GRAMD4: variants seen among roughly 807,000 people sequenced by gnomAD.
GRAMD4 encodes GRAM domain-containing protein 4.
Under a neutral mutation model 83.9 loss-of-function variants are expected in GRAMD4, and 25 were observed. That is an observed-to-expected ratio of 0.30 (90% CI 0.22 to 0.42). The LOEUF is 0.42. GRAMD4 is among the 10% of genes least tolerant of loss of function. GRAMD4 has a pLI of 1.00. For synonymous variants in GRAMD4, 336 were observed against 320.9 expected, an observed-to-expected ratio of 1.05 and a Z score of -0.50; for missense variants, 593 against 788.7, an observed-to-expected ratio of 0.75 and a Z score of 2.97.
downstream of GRAMD4, among the ~76,000 whole-genome samples, chr22:46,682,700 C>A (rs577772328): frequency 5.9e-5 from 9 of 152,230 alleles, no homozygotes; most frequent in Admixed American, 5.2e-4. Flanking sequence ...CAGTGTAGCA[C>A]GCATATCCTG....
chr22:46,676,715 G>A, intron 18 of GRAMD4, 47 bp downstream of exon 18: 1 of 1,510,754 alleles, frequency 6.6e-7, no homozygotes, highest in South Asian at 1.2e-5. Flanking sequence ...TGGGCCCAGG[G>A]GCCTGACTCT....
At chr22:46,634,166 G>A (rs1183355279) in intron 2 of GRAMD4, among the ~76,000 whole-genome samples, 4 of 152,230 alleles carry the variant, frequency 2.6e-5, no homozygotes, top group African/African-American at 9.7e-5. Flanking sequence ...GGGGGAGTGT[G>A]GCAGGTTCCC....
rs2082626922 is a variant in GRAMD4, at chr22:46,678,209, G to A, written c.*958G>A. 2.0e-6 allele frequency: 2 copies of A among 985,228 alleles called. No homozygotes were observed. Among genetic ancestry groups the A allele is most frequent in the African/African-American group, 1.7e-5 (1 of 57,250 alleles). The allele number at this position is 985,228 out of a possible 1,614,324, so 61.0% of individuals were successfully genotyped here. Reference sequence around the variant, plus strand: ...GTTGGGGGAGGAAGTGGGGAGGAGTGTTCCGGGACCATGGTGGCCCAGGCT... The same window carrying A: ...GTTGGGGGAGGAAGTGGGGAGGAGTATTCCGGGACCATGGTGGCCCAGGCT... On this transcript the variant is annotated 3_prime_UTR_variant, in exon 19 of 19. Transcript: ENST00000406902.
intron 3 of GRAMD4, among the ~76,000 whole-genome samples, chr22:46,656,705 G>A (rs1471413619): frequency 1.3e-5 from 2 of 152,236 alleles, no homozygotes; most frequent in East Asian, 3.8e-4. Context: ...CGCTGGTGGG[G>A]TCTGGCTGCT....
At chr22:46,667,477 C>T (rs181262315) in intron 10 of GRAMD4, among the ~76,000 whole-genome samples, 31 of 152,346 alleles carry the variant, frequency 2.0e-4, no homozygotes, top group African/African-American at 7.2e-4. Flanking sequence ...CTTGAGTAGA[C>T]GACAGACCAC....
At chr22:46,592,329 G>T (rs2081217717) in intron 1 of GRAMD4, among the ~76,000 whole-genome samples, 1 of 152,158 alleles carries the variant, frequency 6.6e-6, no homozygotes, top group Non-Finnish European at 1.5e-5. Context: ...AAACAGCAGA[G>T]CTGGGTGCAG....
chr22:46,606,818 C>T (rs2081370156), intron 1 of GRAMD4, among the ~76,000 whole-genome samples: 1 of 152,268 alleles, frequency 6.6e-6, no homozygotes, highest in African/African-American at 2.4e-5. Flanking sequence ...GCGAATGGTG[C>T]TGCTGTGGAC....
At chr22:46,660,277 G>A (rs2082308112) in intron 4 of GRAMD4, among the ~76,000 whole-genome samples, 1 of 152,198 alleles carries the variant, frequency 6.6e-6, no homozygotes, top group Non-Finnish European at 1.5e-5. Context: ...GAAGGTCCTG[G>A]GAGCATTAAG....
intron 1 of GRAMD4, among the ~76,000 whole-genome samples, chr22:46,624,422 G>A (rs568719648): frequency 6.5e-5 from 9 of 137,936 alleles, no homozygotes; most frequent in Admixed American, 2.4e-4. Context: ...TCCGCCTCCC[G>A]GGTTCAAGCA....
intron 14 of GRAMD4, among the ~76,000 whole-genome samples, 159 bp from the exon 15 acceptor site, chr22:46,673,511 C>T (rs1299887553): frequency 6.6e-6 from 1 of 152,240 alleles, no homozygotes; most frequent in Non-Finnish European, 1.5e-5. Flanking sequence ...TGAGGTGGCC[C>T]TGCCTGGAAG....
intron 1 of GRAMD4, among the ~76,000 whole-genome samples, chr22:46,600,347 A>G (rs898805444): frequency 1.1e-4 from 16 of 152,200 alleles, no homozygotes; most frequent in African/African-American, 3.4e-4. Context: ...GCTTGGGGCC[A>G]GGGGCCTGCG....
At chr22:46,626,270 C>A (rs182403986) in intron 1 of GRAMD4, among the ~76,000 whole-genome samples, 1 of 152,228 alleles carries the variant, frequency 6.6e-6, no homozygotes, top group Non-Finnish European at 1.5e-5. Flanking sequence ...TGTATGTGGC[C>A]GTCGTGTTGA....
intron 3 of GRAMD4, among the ~76,000 whole-genome samples, chr22:46,643,132 C>CGTGGATCCATCT (rs2082003849): frequency 5.2e-5 from 7 of 134,620 alleles, no homozygotes; most frequent in Non-Finnish European, 8.1e-5. Flanking sequence ...TGCATCCATC[C>CGTGGATCCATCT]ATGCATCCTT....
intron 3 of GRAMD4, among the ~76,000 whole-genome samples, chr22:46,638,204 C>T (rs1374486253): frequency 1.3e-5 from 2 of 152,242 alleles, no homozygotes; most frequent in Admixed American, 6.5e-5. Context: ...CAAGGTTGCT[C>T]CACAGGGGCT....
At chr22:46,604,346 A>G (rs555304162) in intron 1 of GRAMD4, among the ~76,000 whole-genome samples, 2 of 152,314 alleles carry the variant, frequency 1.3e-5, no homozygotes, top group East Asian at 3.9e-4. Context: ...TAGATTTTCA[A>G]AGGGAGGATC....
chr22:46,677,087 C>T, intron 18 of GRAMD4, 60 bp from the exon 19 acceptor site: 1 of 1,602,774 alleles, frequency 6.2e-7, no homozygotes, highest in African/African-American at 1.3e-5. Context: ...TCGTCTCGGT[C>T]CTGGTCCTGG....
chr22:46,665,774 C>T (rs375625819), intron 9 of GRAMD4, 68 bp downstream of exon 9: 1 of 879,354 alleles, frequency 1.1e-6, no homozygotes, highest in Non-Finnish European at 1.9e-6. Flanking sequence ...CTCCCTGCGT[C>T]TCACAACCGT....
chr22:46,658,528 C>G (rs2082279409), intron 4 of GRAMD4, among the ~76,000 whole-genome samples: 2 of 152,124 alleles, frequency 1.3e-5, no homozygotes, highest in South Asian at 4.1e-4. Flanking sequence ...TCTTCCTGTG[C>G]CTCTGGCGGT....
At chr22:46,639,303 G>GCGGTGGTTAACCCTGTGTGCAA (rs2081939049) in intron 3 of GRAMD4, among the ~76,000 whole-genome samples, 4 of 152,148 alleles carry the variant, frequency 2.6e-5, no homozygotes, top group Non-Finnish European at 5.9e-5. Flanking sequence ...CCTGTGTGCA[G>GCGGTGGTTAACCCTGTGTGCAA]CGGTGGTTAA....
Sources: allele counts gnomAD v4.1 joint callset (sites outside exome capture counted in the v4.1 genomes callset), GRCh38; gene constraint gnomAD v4.1.1; transcripts MANE v1.5; gene names NCBI Gene and HGNC (gene_info 2026-07-23, HGNC 2026-07-21).